Variants in TXNL1 observed in about 807,000 individuals in gnomAD.
The protein encoded by TXNL1 is thioredoxin like 1, also known as thioredoxin-like protein 1.
TXNL1 carries 14 observed loss-of-function variants against 35.5 expected under a neutral mutation model. The observed-to-expected ratio is 0.39, with a 90% CI of 0.26 to 0.62. TXNL1 has a LOEUF of 0.62. Among genes scored for constraint, TXNL1 ranks in the 20% least tolerant of loss-of-function variants. The pLI, the probability that TXNL1 is intolerant of heterozygous loss-of-function variation, is 0.47. For missense variants in TXNL1, 263 were observed against 349.7 expected, an observed-to-expected ratio of 0.75 and a Z score of 1.98; for synonymous variants, 110 against 115.5, an observed-to-expected ratio of 0.95 and a Z score of 0.31.
At chr18:56,616,808 T>C (rs1477585256) in intron 4 of TXNL1, among the ~76,000 whole-genome samples, 1 of 152,196 alleles carries the variant, frequency 6.6e-6, no homozygotes, top group African/African-American at 2.4e-5. Flanking sequence ...AGCTCTGAAG[T>C]AACCTCCAAA....
At chr18:56,629,268 C>T (rs1363443739) in intron 1 of TXNL1, among the ~76,000 whole-genome samples, 1 of 152,240 alleles carries the variant, frequency 6.6e-6, no homozygotes, top group Non-Finnish European at 1.5e-5. Flanking sequence ...TGGCTCACGC[C>T]TATAATCCCA....
chr18:56,602,929 G>T lies in TXNL1; in HGVS notation c.*98C>A. 8.3e-7 allele frequency: 1 copy of T among 1,210,556 alleles called. No individual in the cohort carries two copies. Among genetic ancestry groups the T allele is most frequent in the Non-Finnish European group, 1.2e-6 (1 of 818,068 alleles). 75.0% of individuals were successfully genotyped at this position (1,210,556 alleles called of 1,614,324 possible). On this transcript the variant is annotated 3_prime_UTR_variant, in exon 8 of 8. Coordinates refer to ENST00000217515, the MANE Select transcript of TXNL1 (RefSeq NM_004786.3). ...CAAAAGCAATGATTTATTGGTAATG[G>T]CAATGAATGAAACATTGACAGTCTC... is the stretch of plus-strand genomic sequence containing the variant.
intron 7 of TXNL1, among the ~76,000 whole-genome samples, chr18:56,607,162 T>TGC (rs2023912159): frequency 1.2e-3 from 1 of 806 alleles, no homozygotes; most frequent in African/African-American, 1.3e-3. Flanking sequence ...TGGGTAATTT[T>TGC]GTGTGTGTGT....
chr18:56,614,649 C>G, intron 5 of TXNL1, 53 bp from the exon 6 acceptor site: 3 of 1,412,388 alleles, frequency 2.1e-6, no homozygotes, highest in Non-Finnish European at 2.9e-6. Context: ...ATATACTATA[C>G]TCCCTTTACC....
chr18:56,624,546 A>T, intron 2 of TXNL1, 85 bp from the exon 3 acceptor site: 2 of 1,385,382 alleles, frequency 1.4e-6, no homozygotes, highest in Non-Finnish European at 2.0e-6. Context: ...GAAGTTAAAT[A>T]CCATAAGCAT....
intron 1 of TXNL1, among the ~76,000 whole-genome samples, chr18:56,632,711 C>A (rs2024393540): frequency 6.6e-6 from 1 of 152,148 alleles, no homozygotes; most frequent in South Asian, 2.1e-4. Context: ...TGTTAGAATT[C>A]AAGAGTAGTG....
chr18:56,615,003 G>C (rs1267201162), intron 5 of TXNL1, among the ~76,000 whole-genome samples: 1 of 152,202 alleles, frequency 6.6e-6, no homozygotes, highest in Non-Finnish European at 1.5e-5. Flanking sequence ...AATAGCATTT[G>C]AGCTAGATCT....
chr18:56,636,123 T>C (rs1031125845), intron 1 of TXNL1, among the ~76,000 whole-genome samples: 20 of 147,102 alleles, frequency 1.4e-4, no homozygotes, highest in Non-Finnish European at 2.9e-4. Context: ...TTTTATGTTA[T>C]ATATATTTTA....
intron 2 of TXNL1, chr18:56,626,148 T>A: frequency 8.1e-7 from 1 of 1,230,858 alleles, no homozygotes; most frequent in Non-Finnish European, 1.0e-6. Flanking sequence ...TATCAGAAGG[T>A]GATTAATACA....
intron 4 of TXNL1, among the ~76,000 whole-genome samples, chr18:56,616,797 T>C (rs536006): frequency 0.95 from 144,193 of 152,260 alleles, 68,784 homozygotes; most frequent in East Asian, 1. Context: ...AGGGTTCTTA[T>C]AGCTCTGAAG....
At position 56,600,790 on chromosome 18, in the gene TXNL1, C is replaced by T. The variant is rs2023801771; in HGVS notation, c.*2237G>A. ...AAGGATTATAAAAGCCTGTCGTGGG[C>T]ACAAGAATGTGGTACCTTGTGCTAC... On this transcript the variant is annotated 3_prime_UTR_variant, in exon 8 of 8. Transcript: ENST00000217515. 1 of 152,206 alleles carries T rather than the reference C, an allele frequency of 6.6e-6. No individual in the cohort carries two copies. The highest frequency in any genetic ancestry group is 2.1e-4 in the South Asian group (1 of 4,830). 9.4% of individuals were successfully genotyped at this position (152,206 alleles called of 1,614,324 possible). A position where few individuals can be genotyped will look rare whatever the true frequency, so the allele number is the denominator to read the frequency against.
chr18:56,603,528 T>G (rs947792820), intron 7 of TXNL1, among the ~76,000 whole-genome samples: 2 of 152,094 alleles, frequency 1.3e-5, no homozygotes, highest in Non-Finnish European at 2.9e-5. Context: ...GAAAACAGAT[T>G]AAAAGTGACT....
chr18:56,626,156 A>G, intron 2 of TXNL1: 2 of 1,286,206 alleles, frequency 1.6e-6, no homozygotes, highest in Non-Finnish European at 9.9e-7. Flanking sequence ...GGTGATTAAT[A>G]CAAACCTGAA....
intron 2 of TXNL1, among the ~76,000 whole-genome samples, 163 bp from the exon 3 acceptor site, chr18:56,624,624 G>T (rs905937105): frequency 6.6e-6 from 1 of 152,080 alleles, no homozygotes; most frequent in African/African-American, 2.4e-5. Context: ...TCCTAAGAGA[G>T]TTCCCCTTTG....
intron 7 of TXNL1, chr18:56,608,909 T>TGCA (rs1486929745): frequency 6.9e-6 from 1 of 145,852 alleles, no homozygotes; most frequent in Non-Finnish European, 1.5e-5. Context: ...ACTGTGCCTC[T>TGCA]GCACTGCAGC....
chr18:56,626,553 C>T (rs556417026), intron 1 of TXNL1, 96 bp from the exon 2 acceptor site: 3 of 1,091,708 alleles, frequency 2.7e-6, no homozygotes, highest in South Asian at 3.2e-5. Context: ...ACTGATACTG[C>T]TGGCTTTTGA....
chr18:56,635,030 C>T (rs1202104167), intron 1 of TXNL1, among the ~76,000 whole-genome samples: 5 of 152,078 alleles, frequency 3.3e-5, no homozygotes, highest in South Asian at 2.1e-4. Context: ...GGGATGCTGA[C>T]GTGGGAGGGT....
At chr18:56,631,022 A>G (rs1235273808) in intron 1 of TXNL1, among the ~76,000 whole-genome samples, 2 of 151,908 alleles carry the variant, frequency 1.3e-5, no homozygotes, top group Non-Finnish European at 2.9e-5. Context: ...CTGAGACTAC[A>G]GGCACGTGCC....
chr18:56,605,132 TAAG>T (rs1404296961), intron 7 of TXNL1: 1 of 151,268 alleles, frequency 6.6e-6, no homozygotes, highest in East Asian at 1.9e-4. Context: ...AAAGGCCAAT[TAAG>T]AAACACAACT....
Sources: gnomAD v4.1 joint callset for allele counts (sites outside exome capture counted in the v4.1 genomes callset) on GRCh38, gnomAD v4.1.1 for gene constraint, MANE v1.5 for transcripts, NCBI Gene and HGNC (gene_info 2026-07-23, HGNC 2026-07-21) for gene names.